Variants in NPR3 observed in about 807,000 individuals in gnomAD.
NPR3 encodes the protein natriuretic peptide receptor 3.
In NPR3, 34 loss-of-function variants were observed where a neutral mutation model predicts 54.5. The ratio of observed to expected loss-of-function variants is 0.62; its 90% CI spans 0.47 to 0.83. The LOEUF is 0.83. Among genes scored for constraint, NPR3 ranks in the 40% least tolerant of loss-of-function variants. The pLI is 0.00. For missense variants in NPR3, 674 were observed against 720.8 expected (o/e 0.94, Z 0.74); for synonymous variants, 289 against 297.1 (o/e 0.97, Z 0.28).
At chr5:32,710,050 T>C (rs1047151035), upstream of NPR3, 1 of 152,222 alleles carries the variant, frequency 6.6e-6, no homozygotes, top group Non-Finnish European at 1.5e-5. Context: ...CCCGTTCACA[T>C]TGCAAATGAC....
At chr5:32,691,944 A>T (rs1238139110) in intron 1 of NPR3, among the ~76,000 whole-genome samples, 2 of 152,228 alleles carry the variant, frequency 1.3e-5, no homozygotes, top group African/African-American at 4.8e-5. Flanking sequence ...AGCACAATAC[A>T]ATTTCTATAT....
upstream of NPR3, chr5:32,709,891 G>A (rs1052019419): frequency 1.3e-5 from 2 of 152,164 alleles, no homozygotes; most frequent in East Asian, 3.8e-4. Context: ...TGAGTCGGGT[G>A]CAAGTTTCTG....
At chr5:32,716,679 C>T (rs965877717) in intron 1 of NPR3, 1 of 166,812 alleles carries the variant, frequency 6.0e-6, no homozygotes, top group Non-Finnish European at 1.3e-5. Flanking sequence ...TCATTACTTT[C>T]TAAATGATAT....
At chr5:32,706,459 A>C (rs1354052683), upstream of NPR3, among the ~76,000 whole-genome samples, 1 of 152,256 alleles carries the variant, frequency 6.6e-6, no homozygotes, top group Non-Finnish European at 1.5e-5. Flanking sequence ...TCAAGAGCCA[A>C]GGTTATGGCA....
At chr5:32,751,878 G>A (rs1740594243) in intron 3 of NPR3, among the ~76,000 whole-genome samples, 1 of 152,182 alleles carries the variant, frequency 6.6e-6, no homozygotes, top group Non-Finnish European at 1.5e-5. Flanking sequence ...TTCCTTATAT[G>A]AGGGAGAAGT....
chr5:32,763,623 A>G (rs1037581668), intron 3 of NPR3, among the ~76,000 whole-genome samples: 2 of 151,910 alleles, frequency 1.3e-5, no homozygotes, highest in Non-Finnish European at 1.5e-5. Flanking sequence ...CTCTTTGGCC[A>G]TCTTTTTGAA....
At chr5:32,701,106 G>C (rs1317144044) in intron 1 of NPR3, among the ~76,000 whole-genome samples, 3 of 152,134 alleles carry the variant, frequency 2.0e-5, no homozygotes, top group South Asian at 2.1e-4. Flanking sequence ...GCGCGAGATG[G>C]TATCTCATTG....
intron 1 of NPR3, among the ~76,000 whole-genome samples, chr5:32,694,738 A>G (rs1740482479): frequency 6.6e-6 from 1 of 152,192 alleles, no homozygotes; most frequent in African/African-American, 2.4e-5. Context: ...TTTAAAATGT[A>G]CAACAAATTA....
chr5:32,732,874 T>C (rs1043773514), intron 2 of NPR3, among the ~76,000 whole-genome samples: 23 of 152,282 alleles, frequency 1.5e-4, no homozygotes, highest in African/African-American at 5.1e-4. Context: ...GACAGAGTTT[T>C]GCTCTTGTCA....
intron 4 of NPR3, 113 bp from the exon 5 acceptor site, chr5:32,780,609 C>T (rs916663245): frequency 2.4e-5 from 18 of 749,528 alleles, no homozygotes; most frequent in Admixed American, 2.1e-4. Flanking sequence ...TGATGAGATT[C>T]CCTGTGGCAT....
In NPR3 at chr5:32,784,826, G is replaced by A; in HGVS notation, c.1457G>A (p.Gly486Glu). ...GGCCTAGAAGAATCGGCAGTGACAG[G>A]AATTGTCGTGGGGGCTTTACTAGGA... ...SGGLEESAVT[G>E]IVVGALLGAG... Residue 486 changes from glycine (G) to glutamate (E), a missense_variant, in exon 7 of 8, where the codon GGA becomes GAA. Physicochemically the swap from Gly to Glu is moderately conservative, Grantham distance 98 (BLOSUM62 -2). Transcript: ENST00000265074. 1 of 1,613,814 alleles carries A rather than the reference G, an allele frequency of 6.2e-7. No homozygotes were observed. The highest frequency in any genetic ancestry group is 8.5e-7 in the Non-Finnish European group (1 of 1,179,800).
In NPR3 at chr5:32,711,818, A is replaced by G; in HGVS notation, c.42A>G (p.Leu14=). 2 of 1,456,108 alleles carry G rather than the reference A, an allele frequency of 1.4e-6. No individual in the cohort carries two copies. Among genetic ancestry groups the G allele is most frequent in the Non-Finnish European group, 9.0e-7 (1 of 1,105,432 alleles). The allele number at this position is 1,456,108 out of a possible 1,614,324, so 90.2% of individuals were successfully genotyped here. A position where few individuals can be genotyped will look rare whatever the true frequency, so the allele number is the denominator to read the frequency against. The change falls in exon 1 of 8, where the codon CTA becomes CTG. Residue 14 remains leucine (L), a synonymous_variant. Transcript: ENST00000265074. The stretch of plus-strand genomic sequence containing the variant: ...TGCTCACTTTCTCCCCGTGCGTACT[A>G]CTCGGCTGGGCGTTGCTGGCCGGCG... ...LLVLTFSPCV[L]LGWALLAGGT...
intron 1 of NPR3, among the ~76,000 whole-genome samples, chr5:32,695,795 A>G (rs1740517208): frequency 6.6e-6 from 1 of 152,182 alleles, no homozygotes; most frequent in Non-Finnish European, 1.5e-5. Flanking sequence ...ACCTTTTCAC[A>G]TACTTGTTTG....
In NPR3 at chr5:32,780,729, CG is replaced by C; in HGVS notation, c.1206del (p.Gln403ArgfsTer4). 6.6e-7 allele frequency: 1 copy of C among 1,518,420 alleles called. No homozygotes were observed. The highest frequency in any genetic ancestry group is 9.1e-7 in the Non-Finnish European group (1 of 1,092,972). The allele number at this position is 1,518,420 out of a possible 1,614,324, so 94.1% of individuals were successfully genotyped here. ...TCGCTTCTGGTCCTGTAGGTATCGCCGGGCAGGTGTCCATAGATGCCAACGG... is the reference window on the plus strand; with the variant it reads ...TCGCTTCTGGTCCTGTAGGTATCGCCGGCAGGTGTCCATAGATGCCAACGG... The part of the protein sequence containing the change: ...TWNRTFEGIA[G>X]QVSIDANGDR... On this transcript the variant is annotated frameshift_variant, in exon 5 of 8. Coordinates refer to ENST00000265074, the MANE Select transcript of NPR3 (RefSeq NM_001204375.2). LOFTEE classifies it high-confidence loss of function.
intron 3 of NPR3, among the ~76,000 whole-genome samples, chr5:32,747,242 G>T (rs998459061): frequency 6.6e-6 from 1 of 151,984 alleles, no homozygotes; most frequent in Non-Finnish European, 1.5e-5. Flanking sequence ...ATTATCTCTT[G>T]ACTTCCTAAA....
chr5:32,723,764 C>T (rs1287440707), intron 1 of NPR3, among the ~76,000 whole-genome samples: 3 of 152,042 alleles, frequency 2.0e-5, no homozygotes, highest in East Asian at 1.9e-4. Flanking sequence ...TCTGTAAAAG[C>T]TTCATTTAGA....
chr5:32,765,468 C>T (rs116091831), intron 3 of NPR3, among the ~76,000 whole-genome samples: 1,961 of 152,190 alleles, frequency 0.013, 43 homozygotes, highest in African/African-American at 0.045. Context: ...TGGGCAGGCA[C>T]GATGACAGTG....
At chr5:32,778,420 TG>T (rs1742178882) in intron 4 of NPR3, among the ~76,000 whole-genome samples, 1 of 152,166 alleles carries the variant, frequency 6.6e-6, no homozygotes, top group Non-Finnish European at 1.5e-5. Context: ...TTAACTTGAA[TG>T]GTCACCATTA....
chr5:32,776,373 C>CTA (rs1742049873), intron 4 of NPR3, among the ~76,000 whole-genome samples: 1 of 152,200 alleles, frequency 6.6e-6, no homozygotes, highest in Non-Finnish European at 1.5e-5. Context: ...AATATGCTAT[C>CTA]ACAAGCCTCT....
Sources: allele counts gnomAD v4.1 joint callset (sites outside exome capture counted in the v4.1 genomes callset), GRCh38; gene constraint gnomAD v4.1.1; transcripts MANE v1.5; gene names NCBI Gene and HGNC (gene_info 2026-07-23, HGNC 2026-07-21).